METAP2: variants seen among roughly 807,000 people sequenced by gnomAD.
METAP2 encodes the protein methionine aminopeptidase 2.
METAP2 carries 25 observed loss-of-function variants against 59.4 expected under a neutral mutation model. The observed-to-expected ratio is 0.42, with a 90% CI of 0.31 to 0.59. METAP2 has a LOEUF of 0.59. METAP2 is among the 20% of genes least tolerant of loss of function. METAP2 has a pLI of 0.16. For synonymous variants in METAP2, 214 were observed against 194.1 expected (o/e 1.10, Z -0.85); for missense variants, 366 against 581.2 (o/e 0.63, Z 3.81).
Position 95,514,565 on chromosome 12 carries a change from A to C in METAP2, c.*661A>C, listed in dbSNP as rs79874980. The C allele has an allele frequency of 6.6e-6, 1 of 152,198 alleles. No individual in the cohort carries two copies. The highest frequency in any genetic ancestry group is 2.4e-5 in the African/African-American group (1 of 41,456). The allele number at this position is 152,198 out of a possible 1,614,324, so 9.4% of individuals were successfully genotyped here. A position where few individuals can be genotyped will look rare whatever the true frequency, so the allele number is the denominator to read the frequency against. On this transcript the variant is annotated 3_prime_UTR_variant, in exon 11 of 11. Transcript: ENST00000323666. ...TATTTCACCATTCTTTGTAGGACAT[A>C]GTAGTCCTTGTCTTTTTTTCTCCTG...
At chr12:95,480,827 G>A (rs917731101) in intron 2 of METAP2, among the ~76,000 whole-genome samples, 1 of 152,122 alleles carries the variant, frequency 6.6e-6, no homozygotes, top group Non-Finnish European at 1.5e-5. Flanking sequence ...ATTGCTTATA[G>A]GACAGTTTTA....
At chr12:95,511,287 G>A (rs567540630) in intron 8 of METAP2, among the ~76,000 whole-genome samples, 12 of 151,212 alleles carry the variant, frequency 7.9e-5, no homozygotes, top group Admixed American at 2.6e-4. Flanking sequence ...TGTGTACATG[G>A]CATTTTATTT....
intron 8 of METAP2, among the ~76,000 whole-genome samples, chr12:95,504,470 A>G (rs2076342155): frequency 6.6e-6 from 1 of 152,108 alleles, no homozygotes; most frequent in Non-Finnish European, 1.5e-5. Context: ...ATGACTTCTC[A>G]TTGTGATTTT....
In METAP2 at chr12:95,486,109, G is replaced by C. The variant is rs910813994; in HGVS notation, c.428+128G>C. On this transcript the variant is annotated intron_variant, in intron 4 of 10. Coordinates refer to ENST00000323666, the MANE Select transcript of METAP2 (RefSeq NM_006838.4). Reference sequence around the variant, plus strand: ...ATGCTTATAAATTTGTCATAAAGAAGATACAGTAGAAGCCCTCTTATCCAA... The same window carrying C: ...ATGCTTATAAATTTGTCATAAAGAACATACAGTAGAAGCCCTCTTATCCAA... 4 of 655,520 alleles carry C rather than the reference G, an allele frequency of 6.1e-6. No individual in the cohort carries two copies. The African/African-American group carries it at 7.7e-5, about 13-fold the overall frequency. The allele number at this position is 655,520 out of a possible 1,614,324, so 40.6% of individuals were successfully genotyped here. A position where few individuals can be genotyped will look rare whatever the true frequency, so the allele number is the denominator to read the frequency against.
chr12:95,488,499 A>G, intron 4 of METAP2, among the ~76,000 whole-genome samples: 1 of 120,850 alleles, frequency 8.3e-6, no homozygotes, highest in Admixed American at 9.1e-5. Context: ...ACAGAGCGAG[A>G]CTTTGTCTCA....
At chr12:95,489,706 C>G (rs905112717) in intron 4 of METAP2, among the ~76,000 whole-genome samples, 4 of 152,112 alleles carry the variant, frequency 2.6e-5, no homozygotes, top group Non-Finnish European at 5.9e-5. Flanking sequence ...GGCATGGTGG[C>G]GCATGCCTGT....
rs373561404 is a variant in METAP2, at chr12:95,476,514, AAAAG to A, written c.259+360_259+363del. The stretch of plus-strand genomic sequence containing the variant: ...CCAGCAGAGTAAGACTGTCTCAAAA[AAAAG>A]AAAGAAAGAAAGAAAGAAAGAAAAG... On this transcript the variant is annotated intron_variant, in intron 2 of 10. Transcript: ENST00000323666. 1.3e-3 allele frequency among the ~76,000 whole-genome samples: 189 copies of A among 140,964 alleles called. 3 individuals are homozygous for A. Among genetic ancestry groups the A allele is most frequent in the African/African-American group, 2.3e-3 (82 of 36,094 alleles). The allele number at this position is 140,964 out of a possible 152,430, so 92.5% of individuals were successfully genotyped here. A position where few individuals can be genotyped will look rare whatever the true frequency, so the allele number is the denominator to read the frequency against.
At chr12:95,507,087 C>T (rs2076366926) in intron 8 of METAP2, among the ~76,000 whole-genome samples, 1 of 152,150 alleles carries the variant, frequency 6.6e-6, no homozygotes, top group Admixed American at 6.5e-5. Flanking sequence ...CTTGATGTTA[C>T]TCACACTTAG....
intron 9 of METAP2, 91 bp downstream of exon 9, chr12:95,512,089 C>T: frequency 2.4e-6 from 2 of 820,000 alleles, no homozygotes; most frequent in South Asian, 2.0e-5. Flanking sequence ...GTTATACTGA[C>T]CAGAATTAGC....
chr12:95,482,677 T>G (rs2076167662), intron 2 of METAP2, among the ~76,000 whole-genome samples: 1 of 151,422 alleles, frequency 6.6e-6, no homozygotes, highest in Non-Finnish European at 1.5e-5. Flanking sequence ...TCCCAGATAC[T>G]TGGGAGGTGG....
At chr12:95,512,731 A>C in intron 9 of METAP2, 70 bp from the exon 10 acceptor site, 1 of 830,038 alleles carries the variant, frequency 1.2e-6, no homozygotes, top group Non-Finnish European at 2.0e-6. Context: ...AGAGAGAAAG[A>C]GAGATGGTAA....
At chr12:95,487,241 T>C (rs1341138433) in intron 4 of METAP2, among the ~76,000 whole-genome samples, 4 of 152,210 alleles carry the variant, frequency 2.6e-5, no homozygotes, top group Non-Finnish European at 5.9e-5. Context: ...AGAGTATTGC[T>C]TAATCCAGTG....
At chr12:95,475,938 G>T in intron 1 of METAP2, 133 bp from the exon 2 acceptor site, 1 of 582,922 alleles carries the variant, frequency 1.7e-6, no homozygotes, top group Non-Finnish European at 3.0e-6. Context: ...AACGAATTCT[G>T]TTATGTTCAC....
At position 95,514,144 on chromosome 12, in the gene METAP2, A is replaced by T; in HGVS notation, c.*240A>T. ...TCCCCTTCCTGTCTAGGAAAATGCT[A>T]TAAAGCTCAAATTAGTTAGGAATGA... On this transcript the variant is annotated 3_prime_UTR_variant, in exon 11 of 11. Transcript: ENST00000323666. 4.0e-6 allele frequency: 2 copies of T among 498,862 alleles called. No individual in the cohort carries two copies. Among genetic ancestry groups the T allele is most frequent in the Non-Finnish European group, 3.5e-6 (1 of 288,082 alleles). The allele number at this position is 498,862 out of a possible 1,614,324, so 30.9% of individuals were successfully genotyped here.
intron 7 of METAP2, among the ~76,000 whole-genome samples, chr12:95,498,919 G>A (rs2076295764): frequency 6.6e-6 from 1 of 151,998 alleles, no homozygotes; most frequent in African/African-American, 2.4e-5. Context: ...GGAGGCTCTG[G>A]TGGGAGGATC....
intron 8 of METAP2, among the ~76,000 whole-genome samples, chr12:95,509,841 C>G (rs1594439018): frequency 1.3e-5 from 2 of 149,122 alleles, no homozygotes; most frequent in East Asian, 1.9e-4. Context: ...AGACCTCCCC[C>G]CCAACCTTTT....
chr12:95,504,196 T>A, intron 8 of METAP2, 35 bp downstream of exon 8: 1 of 1,399,164 alleles, frequency 7.1e-7, no homozygotes, highest in Non-Finnish European at 1.0e-6. Context: ...ATTTTGAAAT[T>A]GATTTTACAA....
intron 7 of METAP2, among the ~76,000 whole-genome samples, chr12:95,501,006 G>GA (rs1200471140): frequency 3.0e-5 from 4 of 133,062 alleles, no homozygotes; most frequent in Non-Finnish European, 6.3e-5. Flanking sequence ...CCTTTGTTGG[G>GA]ATTTTTTTTT....
Position 95,475,615 on chromosome 12 carries a change from A to G in METAP2, c.152-456A>G, listed in dbSNP as rs553394735. 3.3e-5 allele frequency among the ~76,000 whole-genome samples: 5 copies of G among 152,280 alleles called. No individual in the cohort carries two copies. The South Asian group carries it at 1.0e-3, about 32-fold the overall frequency. ...AGATATTTGAGCGTTTTAGTTTTTT[A>G]GTAATGGACTGTCTTTGCCTATTTA... On this transcript the variant is annotated intron_variant, in intron 1 of 10. Coordinates refer to ENST00000323666, the MANE Select transcript of METAP2 (RefSeq NM_006838.4).
Sources: gnomAD v4.1 joint callset for allele counts (sites outside exome capture counted in the v4.1 genomes callset) on GRCh38, gnomAD v4.1.1 for gene constraint, MANE v1.5 for transcripts, NCBI Gene and HGNC (gene_info 2026-07-23, HGNC 2026-07-21) for gene names.